The following ZNF532 variants were observed in gnomAD, a reference collection of about 807,000 sequenced individuals.
The protein encoded by ZNF532 is zinc finger protein 532.
ZNF532 carries 22 observed loss-of-function variants against 89.3 expected under a neutral mutation model. The observed-to-expected ratio is 0.25, with a 90% CI of 0.18 to 0.35. The LOEUF is 0.35. Ranked by LOEUF, ZNF532 falls within the 10% of genes least tolerant of loss-of-function variation. ZNF532 has a pLI of 1.00. For missense variants in ZNF532, 1,132 were observed against 1,643.4 expected, an observed-to-expected ratio of 0.69 and a Z score of 5.38; for synonymous variants, 606 against 649.6, an observed-to-expected ratio of 0.93 and a Z score of 1.02.
intron 2 of ZNF532, among the ~76,000 whole-genome samples, chr18:58,876,815 C>G (rs768420458): frequency 9.2e-5 from 14 of 152,098 alleles, no homozygotes; most frequent in African/African-American, 2.9e-4. Context: ...CCCAGCACTT[C>G]GGGAGGCTGA....
intron 3 of ZNF532, among the ~76,000 whole-genome samples, chr18:58,926,968 T>C (rs1278854839): frequency 6.6e-6 from 1 of 152,234 alleles, no homozygotes; most frequent in Non-Finnish European, 1.5e-5. Context: ...TATATGCATG[T>C]AGATATCCTT....
intron 2 of ZNF532, among the ~76,000 whole-genome samples, chr18:58,896,979 G>A (rs139282480): frequency 6.6e-6 from 1 of 152,346 alleles, no homozygotes; most frequent in East Asian, 1.9e-4. Context: ...TATGGACTGC[G>A]CTCTTCAAAG....
intron 7 of ZNF532, among the ~76,000 whole-genome samples, chr18:58,972,827 G>A (rs1490595877): frequency 1.3e-5 from 2 of 152,140 alleles, no homozygotes; most frequent in Non-Finnish European, 2.9e-5. Flanking sequence ...TCCTAAATTT[G>A]TTACTCCATG....
At chr18:58,974,161 A>G (rs894321776) in intron 7 of ZNF532, among the ~76,000 whole-genome samples, 6 of 152,170 alleles carry the variant, frequency 3.9e-5, no homozygotes, top group African/African-American at 1.2e-4. Context: ...GATATGTGCT[A>G]TATTTACATA....
chr18:58,880,774 C>CGCACGCGCGCGCGCG (rs1568227863), intron 2 of ZNF532, among the ~76,000 whole-genome samples: 1 of 142,242 alleles, frequency 7.0e-6, no homozygotes, highest in Admixed American at 6.9e-5. Context: ...GCGCGCGCGT[C>CGCACGCGCGCGCGCG]TGTGTGTGTG....
chr18:58,899,602 G>A (rs2059471589), intron 2 of ZNF532, among the ~76,000 whole-genome samples: 1 of 152,198 alleles, frequency 6.6e-6, no homozygotes, highest in South Asian at 2.1e-4. Context: ...CTGAGTAGCT[G>A]AGACTACAGG....
rs1459294955 is a variant in ZNF532, at chr18:58,919,479, T to C, written c.1192T>C (p.Ser398Pro). The change falls in exon 3 of 10, where the codon TCC becomes CCC. Residue 398 changes from serine to proline, a missense_variant. By Grantham distance (74) the Ser-to-Pro change is moderately conservative. Coordinates refer to ENST00000591808, the MANE Select transcript of ZNF532 (RefSeq NM_001375912.1). This position sits in a 1 kb window ranked among gnomAD's most constrained non-coding sequence, Gnocchi z 6.1. ...AAAGAAACCTTCCGAGCAGACAGCGTCCGTGATGGCCTCTGTGACATCCCT... is the reference window on the plus strand; with the variant it reads ...AAAGAAACCTTCCGAGCAGACAGCGCCCGTGATGGCCTCTGTGACATCCCT... ...SGKKPSEQTASVMASVTSLLS... is the reference protein window; with the variant it reads ...SGKKPSEQTAPVMASVTSLLS... 6.2e-7 allele frequency: 1 copy of C among 1,614,086 alleles called. No homozygotes were observed. Among genetic ancestry groups the C allele is most frequent in the Non-Finnish European group, 8.5e-7 (1 of 1,180,040 alleles).
In ZNF532 at chr18:58,984,553, A is replaced by G; in HGVS notation, c.*87A>G. 1 of 1,476,680 alleles carries G rather than the reference A, an allele frequency of 6.8e-7. No individual in the cohort carries two copies. The highest frequency in any genetic ancestry group is 2.3e-5 in the Admixed American group (1 of 43,154). 91.5% of individuals were successfully genotyped at this position (1,476,680 alleles called of 1,614,324 possible). A position where few individuals can be genotyped will look rare whatever the true frequency, so the allele number is the denominator to read the frequency against. Reference sequence around the variant, plus strand: ...CAAAGTTTGCAGTATAATAGAGTTAACAGTACTGTCTAGGCTGTTGCAATA... The same window carrying G: ...CAAAGTTTGCAGTATAATAGAGTTAGCAGTACTGTCTAGGCTGTTGCAATA... On this transcript the variant is annotated 3_prime_UTR_variant, in exon 10 of 10. Coordinates refer to ENST00000591808, the MANE Select transcript of ZNF532 (RefSeq NM_001375912.1).
At chr18:58,956,158 A>G (rs966537288) in intron 7 of ZNF532, among the ~76,000 whole-genome samples, 1 of 152,260 alleles carries the variant, frequency 6.6e-6, no homozygotes, top group Non-Finnish European at 1.5e-5. Context: ...GAAATGTACC[A>G]CTGATTGAAA....
At chr18:58,954,155 GC>G in intron 7 of ZNF532, 1 of 972,690 alleles carries the variant, frequency 1.0e-6, no homozygotes, top group Non-Finnish European at 1.2e-6. Flanking sequence ...GAAGAAAGGA[GC>G]AGAGAAAGAC....
chr18:58,976,266 T>C (rs1362875881), intron 7 of ZNF532, among the ~76,000 whole-genome samples: 5 of 152,244 alleles, frequency 3.3e-5, no homozygotes, highest in Admixed American at 6.5e-5. Context: ...GATGTCTCTC[T>C]CACATTGATT....
intron 2 of ZNF532, among the ~76,000 whole-genome samples, chr18:58,895,178 C>A (rs1365078047): frequency 6.6e-6 from 1 of 152,194 alleles, no homozygotes; most frequent in East Asian, 1.9e-4. Flanking sequence ...GGGTGCCAGT[C>A]ACAGATGGTA....
At chr18:58,881,709 A>G (rs1275351697) in intron 2 of ZNF532, among the ~76,000 whole-genome samples, 1 of 152,194 alleles carries the variant, frequency 6.6e-6, no homozygotes, top group African/African-American at 2.4e-5. Context: ...TCAGGCTCAG[A>G]TATCTTTGAC....
intron 2 of ZNF532, among the ~76,000 whole-genome samples, chr18:58,888,401 T>C (rs1225416884): frequency 2.6e-5 from 4 of 151,820 alleles, no homozygotes; most frequent in Non-Finnish European, 5.9e-5. Context: ...TATGGCCGGG[T>C]GCAGTGGCTC....
intron 4 of ZNF532, among the ~76,000 whole-genome samples, chr18:58,936,571 GC>G (rs1237835030): frequency 6.6e-5 from 10 of 152,016 alleles, no homozygotes; most frequent in African/African-American, 2.4e-4. Flanking sequence ...CTGTTCTTTT[GC>G]CCTACTCACA....
chr18:58,867,021 A>G (rs1161103188), intron 2 of ZNF532, among the ~76,000 whole-genome samples: 1 of 152,276 alleles, frequency 6.6e-6, no homozygotes, highest in Non-Finnish European at 1.5e-5. Context: ...TGCAAAGCAG[A>G]TCCGAATCCA....
intron 2 of ZNF532, among the ~76,000 whole-genome samples, chr18:58,885,796 G>A (rs912652035): frequency 6.6e-6 from 1 of 151,436 alleles, no homozygotes; most frequent in Admixed American, 6.6e-5. Flanking sequence ...GGAGGTTGCA[G>A]TGAGCCGAAA....
chr18:58,905,739 A>G (rs1185986020), intron 2 of ZNF532, among the ~76,000 whole-genome samples: 1 of 152,186 alleles, frequency 6.6e-6, no homozygotes, highest in African/African-American at 2.4e-5. Context: ...CCAACCACCA[A>G]CAACTAAAGT....
intron 2 of ZNF532, among the ~76,000 whole-genome samples, chr18:58,912,585 G>A (rs1005939902): frequency 1.3e-5 from 2 of 152,092 alleles, no homozygotes; most frequent in African/African-American, 4.8e-5. Flanking sequence ...CCTGTGGCCG[G>A]GGAGGAACCT....
Sources: gnomAD v4.1 joint callset for allele counts (sites outside exome capture counted in the v4.1 genomes callset) on GRCh38, gnomAD v4.1.1 for gene constraint, Gnocchi (gnomAD v3.1) non-coding constraint, MANE v1.5 for transcripts, NCBI Gene and HGNC (gene_info 2026-07-23, HGNC 2026-07-21) for gene names.